FN1: variants seen among roughly 807,000 people sequenced by gnomAD.
The protein encoded by FN1 is fibronectin.
FN1 carries 106 observed loss-of-function variants against 297.3 expected under a neutral mutation model. The ratio of observed to expected loss-of-function variants is 0.36; its 90% confidence interval spans 0.30 to 0.42. The LOEUF (loss-of-function observed/expected upper bound fraction) is 0.42, where lower values mean the gene tolerates loss of function less well. Ranked by LOEUF, FN1 falls within the 10% of genes least tolerant of loss-of-function variation. The pLI, the probability that FN1 is intolerant of heterozygous loss-of-function variation, is 1.00. For synonymous variants in FN1, 1,149 were observed against 1,152.6 expected, an observed-to-expected ratio of 1.00 and a Z score of 0.06; for missense variants, 2,690 against 3,124.9, an observed-to-expected ratio of 0.86 and a Z score of 3.32.
chr2:215,414,167 G>C, intron 13 of FN1, among the ~76,000 whole-genome samples: 1 of 152,150 alleles, frequency 6.6e-6, no homozygotes, highest in East Asian at 1.9e-4. Flanking sequence ...ATGAACTTTG[G>C]AGTTAAACAG....
Position 215,409,917 on chromosome 2 carries a change from G to C in FN1, c.2122+17C>G. 4.3e-6 allele frequency: 7 copies of C among 1,613,602 alleles called. No individual in the cohort carries two copies. The highest frequency in any genetic ancestry group is 3.3e-5 in the South Asian group (3 of 91,026). On this transcript the variant is annotated intron_variant, in intron 14 of 45. Coordinates refer to ENST00000354785, the MANE Select transcript of FN1 (RefSeq NM_212482.4). Reference sequence around the variant, plus strand: ...GAACCTCGGGGGTAGGAGGCATGAGGGTGGTTGTGTACATACTGGTCACAG... The same window carrying C: ...GAACCTCGGGGGTAGGAGGCATGAGCGTGGTTGTGTACATACTGGTCACAG...
chr2:215,370,271 C>CTAAATAGTACGTG, intron 41 of FN1, 23 bp downstream of exon 41: 2 of 1,613,436 alleles, frequency 1.2e-6, no homozygotes, highest in Non-Finnish European at 1.7e-6. Context: ...GAGCCTGTGT[C>CTAAATAGTACGTG]TAAATAGTAC....
intron 3 of FN1, among the ~76,000 whole-genome samples, chr2:215,432,705 TG>T (rs1295258873): frequency 6.6e-6 from 1 of 152,226 alleles, no homozygotes; most frequent in African/African-American, 2.4e-5. Flanking sequence ...TGAATCATAC[TG>T]GAAAGAGTGC....
chr2:215,362,139 T>G, intron 44 of FN1, 60 bp from the exon 45 acceptor site: 1 of 1,313,062 alleles, frequency 7.6e-7, no homozygotes, highest in African/African-American at 1.4e-5. Flanking sequence ...ACATCGTAAT[T>G]TAGTGTTTGA....
At chr2:215,372,739 T>C (rs1220080157) in intron 39 of FN1, among the ~76,000 whole-genome samples, 1 of 152,206 alleles carries the variant, frequency 6.6e-6, no homozygotes, top group Non-Finnish European at 1.5e-5. Flanking sequence ...TTGTAGGAAG[T>C]AGAATCCAGA....
At position 215,361,515 on chromosome 2, in the gene FN1, G is replaced by A. The variant is rs748495873; in HGVS notation, c.*40C>T. ...ATCACTCCAGTTTAGATGGATCTTG[G>A]CAGAGAGACATGCTTGTTCCTCTGG... On this transcript the variant is annotated 3_prime_UTR_variant, in exon 46 of 46. Coordinates refer to ENST00000354785, the MANE Select transcript of FN1 (RefSeq NM_212482.4). 1 of 1,366,556 alleles carries A rather than the reference G, an allele frequency of 7.3e-7. No individual in the cohort carries two copies. The highest frequency in any genetic ancestry group is 1.7e-5 in the Admixed American group (1 of 59,716). The allele number at this position is 1,366,556 out of a possible 1,614,324, so 84.7% of individuals were successfully genotyped here.
intron 9 of FN1, among the ~76,000 whole-genome samples, chr2:215,422,720 C>A (rs1295901970): frequency 6.6e-6 from 1 of 152,190 alleles, no homozygotes. Context: ...TCACACTTGA[C>A]AGTGCCTACC....
chr2:215,377,796 A>G (rs2057576031), intron 35 of FN1, among the ~76,000 whole-genome samples: 1 of 152,340 alleles, frequency 6.6e-6, no homozygotes, highest in East Asian at 1.9e-4. Context: ...GATGTCAGTC[A>G]TAGTCCATAA....
chr2:215,406,080 T>C (rs2061735587), intron 19 of FN1, among the ~76,000 whole-genome samples, 158 bp downstream of exon 19: 1 of 152,178 alleles, frequency 6.6e-6, no homozygotes, highest in Non-Finnish European at 1.5e-5. Context: ...GTTTTCAAGT[T>C]TAATGTGCTT....
chr2:215,424,979 G>A (rs2065080451), intron 7 of FN1, 115 bp downstream of exon 7: 1 of 910,578 alleles, frequency 1.1e-6, no homozygotes, highest in African/African-American at 1.6e-5. Flanking sequence ...TTATCACAGG[G>A]TGGTAAGATT....
intron 43 of FN1, among the ~76,000 whole-genome samples, 175 bp from the exon 44 acceptor site, chr2:215,365,160 C>T (rs1458357074): frequency 2.6e-5 from 4 of 152,128 alleles, no homozygotes; most frequent in Non-Finnish European, 5.9e-5. Context: ...GGTGGCACTT[C>T]CAAAAATTAG....
intron 36 of FN1, among the ~76,000 whole-genome samples, chr2:215,376,191 CTG>C (rs1272461575): frequency 2.0e-5 from 3 of 152,294 alleles, no homozygotes; most frequent in Non-Finnish European, 2.9e-5. Context: ...CTATACATCA[CTG>C]TTTTTTATTT....
chr2:215,405,218 A>G (rs772711159), intron 19 of FN1, among the ~76,000 whole-genome samples: 3 of 152,240 alleles, frequency 2.0e-5, no homozygotes, highest in African/African-American at 7.2e-5. Flanking sequence ...TCAGAATCAC[A>G]TAAGTTGTGG....
chr2:215,380,608 C>A, intron 33 of FN1: 1 of 691,862 alleles, frequency 1.4e-6, no homozygotes, highest in Non-Finnish European at 2.4e-6. Flanking sequence ...CAGGATACTC[C>A]AAAATTTCTT....
chr2:215,365,124 G>A, intron 43 of FN1, 139 bp from the exon 44 acceptor site: 2 of 719,512 alleles, frequency 2.8e-6, no homozygotes, highest in Non-Finnish European at 5.0e-6. Context: ...TCATCCCTAA[G>A]AGCAGTACTG....
chr2:215,424,981 G>A (rs2065081531), intron 7 of FN1, 113 bp downstream of exon 7: 1 of 930,754 alleles, frequency 1.1e-6, no homozygotes, highest in Non-Finnish European at 1.8e-6. Flanking sequence ...ATCACAGGGT[G>A]GTAAGATTAC....
intron 42 of FN1, 50 bp downstream of exon 42, chr2:215,367,813 G>A (rs745585348): frequency 1.3e-6 from 2 of 1,593,308 alleles, no homozygotes; most frequent in Non-Finnish European, 8.6e-7. Flanking sequence ...GTGCATGCAT[G>A]GAACTTGAGG....
chr2:215,418,341 A>G (rs1432648366), intron 12 of FN1, among the ~76,000 whole-genome samples: 1 of 152,166 alleles, frequency 6.6e-6, no homozygotes, highest in Non-Finnish European at 1.5e-5. Context: ...GGCTAACACT[A>G]CCTTTGGCCA....
At position 215,423,338 on chromosome 2, in the gene FN1, G is replaced by A. The variant is rs1277117337; in HGVS notation, c.1393+12C>T. The A allele has an allele frequency of 1.2e-6, 2 of 1,613,416 alleles. No individual in the cohort carries two copies. Among genetic ancestry groups the A allele is most frequent in the East Asian group, 2.2e-5 (1 of 44,886 alleles). On this transcript the variant is annotated intron_variant, in intron 9 of 45. Coordinates refer to ENST00000354785, the MANE Select transcript of FN1 (RefSeq NM_212482.4). The stretch of plus-strand genomic sequence containing the variant: ...TTGTCAAACAAGACAACCCACAAGG[G>A]CTTCATCTTACCAGCCATGGGGCAG...
Sources: gnomAD v4.1 joint callset for allele counts (sites outside exome capture counted in the v4.1 genomes callset) on GRCh38, gnomAD v4.1.1 for gene constraint, MANE v1.5 for transcripts, NCBI Gene and HGNC (gene_info 2026-07-23, HGNC 2026-07-21) for gene names.